The following ADGRB3 variants were observed in gnomAD, a reference collection of about 807,000 sequenced individuals.
ADGRB3 encodes brain-specific angiogenesis inhibitor 3.
In ADGRB3, 37 loss-of-function variants were observed where a neutral mutation model predicts 193.4. The observed-to-expected ratio is 0.19, with a 90% CI of 0.15 to 0.25. The LOEUF (loss-of-function observed/expected upper bound fraction) is 0.25. Ranked by LOEUF, ADGRB3 falls within the 10% of genes least tolerant of loss-of-function variation. The pLI, the probability that ADGRB3 is intolerant of heterozygous loss-of-function variation, is 1.00. For synonymous variants in ADGRB3, 690 were observed against 644.2 expected, an observed-to-expected ratio of 1.07 and a Z score of -1.08; for missense variants, 1,637 against 1,852.9, an observed-to-expected ratio of 0.88 and a Z score of 2.14.
At chr6:68,714,028 A>G (rs901359885) in intron 3 of ADGRB3, among the ~76,000 whole-genome samples, 1 of 151,774 alleles carries the variant, frequency 6.6e-6, no homozygotes, top group Non-Finnish European at 1.5e-5. Context: ...ATTCATGAGA[A>G]GGACAGTAAA....
At chr6:69,076,986 T>C (rs940586225) in intron 17 of ADGRB3, among the ~76,000 whole-genome samples, 32 of 152,100 alleles carry the variant, frequency 2.1e-4, no homozygotes, top group African/African-American at 7.5e-4. Flanking sequence ...TAGGAAAAGA[T>C]TGAAACCTCG....
At chr6:68,974,663 C>A in intron 8 of ADGRB3, 100 bp from the exon 9 acceptor site, 1 of 858,836 alleles carries the variant, frequency 1.2e-6, no homozygotes, top group Non-Finnish European at 1.8e-6. Context: ...AAAAAGAAAA[C>A]TAAAGAGCTC....
At chr6:69,028,662 A>T (rs1427653869) in intron 13 of ADGRB3, among the ~76,000 whole-genome samples, 11 of 152,138 alleles carry the variant, frequency 7.2e-5, no homozygotes, top group Non-Finnish European at 1.5e-4. Flanking sequence ...TGTCACTATT[A>T]AATAATGCTT....
intron 3 of ADGRB3, among the ~76,000 whole-genome samples, chr6:68,735,374 T>C (rs1222748021): frequency 6.6e-6 from 1 of 151,988 alleles, no homozygotes. Flanking sequence ...AAAGTGATGA[T>C]ACAATTGAGA....
intron 11 of ADGRB3, among the ~76,000 whole-genome samples, chr6:69,004,549 G>T (rs924952694): frequency 6.7e-6 from 1 of 149,254 alleles, no homozygotes; most frequent in African/African-American, 2.5e-5. Context: ...TTCTCCTAAT[G>T]CTATCCCTCC....
intron 17 of ADGRB3, among the ~76,000 whole-genome samples, chr6:69,176,182 G>A (rs1356622056): frequency 6.6e-6 from 1 of 152,122 alleles, no homozygotes; most frequent in East Asian, 1.9e-4. Flanking sequence ...TGTTGTATAG[G>A]AGTGGTGAGA....
chr6:69,110,957 C>T lies in ADGRB3; in HGVS notation c.2480+34919C>T, dbSNP rs181845432. ...CTAGGAAAATCATGAAAGGAAATTA[C>T]GTTTTTTCACCATTATTCAGAATAT... On this transcript the variant is annotated intron_variant, in intron 17 of 31. Transcript: ENST00000370598. Among the ~76,000 whole-genome samples the T allele has an allele frequency of 5.3e-5, 8 of 152,200 alleles. No homozygotes were observed. In the East Asian group the frequency reaches 1.2e-3, roughly 22 times the overall value.
chr6:69,004,935 T>C (rs2150280914), intron 11 of ADGRB3, among the ~76,000 whole-genome samples: 1 of 152,210 alleles, frequency 6.6e-6, no homozygotes. Flanking sequence ...CTGCCTGTAG[T>C]CTTGTAAGGG....
At position 69,231,699 on chromosome 6, in the gene ADGRB3, T is replaced by G. The variant is rs564397303; in HGVS notation, c.2481-1591T>G. ...AAATTGGCATGGTTGCATGACATTA[T>G]GAGAAAGAAAAGAGACCTAACACAT... On this transcript the variant is annotated intron_variant, in intron 17 of 31. Transcript: ENST00000370598. 2.0e-5 allele frequency among the ~76,000 whole-genome samples: 3 copies of G among 152,274 alleles called. No homozygotes were observed. In the South Asian group the frequency reaches 6.2e-4, roughly 32 times the overall value.
At chr6:68,907,066 A>G (rs1311149543) in intron 3 of ADGRB3, among the ~76,000 whole-genome samples, 1 of 151,964 alleles carries the variant, frequency 6.6e-6, no homozygotes, top group Non-Finnish European at 1.5e-5. Context: ...GGAGTAAATA[A>G]TATTCTGAAG....
chr6:69,110,176 G>C (rs537534163), intron 17 of ADGRB3, among the ~76,000 whole-genome samples: 1 of 151,992 alleles, frequency 6.6e-6, no homozygotes, highest in African/African-American at 2.4e-5. Context: ...TTGAACTCCT[G>C]ACCTTGTAAT....
chr6:68,712,487 C>A (rs1765422267), intron 3 of ADGRB3, among the ~76,000 whole-genome samples: 1 of 151,892 alleles, frequency 6.6e-6, no homozygotes, highest in African/African-American at 2.4e-5. Context: ...TATTCTAACA[C>A]TACATTACAT....
At chr6:68,882,181 A>G (rs918270913) in intron 3 of ADGRB3, among the ~76,000 whole-genome samples, 1 of 152,180 alleles carries the variant, frequency 6.6e-6, no homozygotes, top group Non-Finnish European at 1.5e-5. Flanking sequence ...TCTTACTTCT[A>G]CAGAAAATTA....
At chr6:69,031,551 T>TTCTTTC (rs371280892) in intron 13 of ADGRB3, among the ~76,000 whole-genome samples, 1 of 13,926 alleles carries the variant, frequency 7.2e-5, no homozygotes, top group African/African-American at 2.2e-4. Context: ...CTTTCTTTCT[T>TTCTTTC]TTTCTTTCTT....
intron 3 of ADGRB3, among the ~76,000 whole-genome samples, chr6:68,702,803 A>T (rs545374643): frequency 8.5e-5 from 13 of 152,286 alleles, no homozygotes; most frequent in African/African-American, 3.1e-4. Flanking sequence ...AACCACTCAC[A>T]GTAGTTTCTG....
chr6:68,801,341 AAG>A (rs1767306865), intron 3 of ADGRB3, among the ~76,000 whole-genome samples: 1 of 152,176 alleles, frequency 6.6e-6, no homozygotes, highest in South Asian at 2.1e-4. Flanking sequence ...ACCCAGAAAA[AAG>A]AGAGTCTCTA....
intron 13 of ADGRB3, among the ~76,000 whole-genome samples, chr6:69,032,960 A>T (rs979322537): frequency 6.6e-6 from 1 of 152,164 alleles, no homozygotes; most frequent in African/African-American, 2.4e-5. Context: ...TACTGATTTG[A>T]TATGTGACTT....
intron 17 of ADGRB3, among the ~76,000 whole-genome samples, chr6:69,219,974 G>A (rs1765858244): frequency 6.6e-6 from 1 of 152,060 alleles, no homozygotes; most frequent in East Asian, 1.9e-4. Flanking sequence ...AATTATGACA[G>A]AGAAGGCTTT....
At chr6:69,008,026 C>T (rs1230983708) in intron 11 of ADGRB3, among the ~76,000 whole-genome samples, 2 of 152,064 alleles carry the variant, frequency 1.3e-5, no homozygotes, top group Admixed American at 6.6e-5. Context: ...TAGCCAAACA[C>T]CGCAGGAAGC....
Sources: allele counts gnomAD v4.1 joint callset (sites outside exome capture counted in the v4.1 genomes callset), GRCh38; gene constraint gnomAD v4.1.1; transcripts MANE v1.5; gene names NCBI Gene and HGNC (gene_info 2026-07-23, HGNC 2026-07-21).